Variants in CPA5 observed in about 807,000 individuals in gnomAD.
CPA5 encodes the protein carboxypeptidase A5.
In CPA5, 38 loss-of-function variants were observed where a neutral mutation model predicts 52.2. That is an observed-to-expected ratio of 0.73 (90% CI 0.56 to 0.95). CPA5 has a LOEUF of 0.95. CPA5 is among the 40% of genes least tolerant of loss of function. The probability of loss-of-function intolerance (pLI) is 0.00; values close to 1 mark genes in which losing one functional copy is unlikely to be tolerated. For missense variants in CPA5, 519 were observed against 566.7 expected (o/e 0.92, Z 0.86); for synonymous variants, 198 against 213.7 (o/e 0.93, Z 0.64).
At chr7:130,362,390 A>G (rs782009448) in intron 7 of CPA5, 48 bp from the exon 8 acceptor site, 14 of 1,355,824 alleles carry the variant, frequency 1.0e-5, no homozygotes, top group Non-Finnish European at 1.5e-5. Flanking sequence ...CAGAGACAGT[A>G]GCTGTCTGAG....
chr7:130,365,505 A>T (rs1796030485), intron 10 of CPA5, among the ~76,000 whole-genome samples: 1 of 152,256 alleles, frequency 6.6e-6, no homozygotes, highest in East Asian at 1.9e-4. Context: ...ATAATTTACC[A>T]TGTCCTTCCA....
chr7:130,358,425 T>A (rs1321130376), intron 5 of CPA5, among the ~76,000 whole-genome samples: 1 of 152,146 alleles, frequency 6.6e-6, no homozygotes. Context: ...TTAAGTCCCT[T>A]TACCACTCCA....
At chr7:130,366,994 A>G (rs1292777407) in intron 10 of CPA5, among the ~76,000 whole-genome samples, 4 of 152,214 alleles carry the variant, frequency 2.6e-5, no homozygotes, top group African/African-American at 9.6e-5. Flanking sequence ...TATCCATCCC[A>G]ATCTCAGTGG....
downstream of CPA5, among the ~76,000 whole-genome samples, chr7:130,373,662 C>T (rs781938677): frequency 1.3e-4 from 20 of 152,214 alleles, no homozygotes; most frequent in Non-Finnish European, 2.1e-4. Flanking sequence ...AGACAGAAAA[C>T]GACTTTACTG....
rs201964694 is a variant in CPA5 at position 130,368,014 on chromosome 7, G to A, written c.1123+24G>A. The A allele has an allele frequency of 3.5e-3, 5,642 of 1,601,376 alleles. 7 individuals are homozygous for A. Among genetic ancestry groups the A allele is most frequent in the Non-Finnish European group, 4.2e-3 (4,918 of 1,168,340 alleles). On this transcript the variant is annotated intron_variant, in intron 12 of 12. Transcript: ENST00000474905. ...CTGTGAGTGAGCCTCCCCTGGCCCT[G>A]CTTCAGACACCACATCTACCTGGGG...
At chr7:130,357,044 G>A (rs1443050630) in intron 5 of CPA5, among the ~76,000 whole-genome samples, 1 of 152,218 alleles carries the variant, frequency 6.6e-6, no homozygotes, top group Non-Finnish European at 1.5e-5. Flanking sequence ...GAGGACCGGG[G>A]CTCCTCCGGC....
rs782437342 is a variant in CPA5, at chr7:130,367,551, G to A, written c.1018G>A (p.Val340Ile). The stretch of plus-strand genomic sequence containing the variant: ...CCCTTACGGCCGATTGCTGGAGCCC[G>A]TTTCAAATCAGAGGGAGTTGGTGAG... ...MYPYGRLLEP[V>I]SNQRELYDLA... Residue 340 changes from valine to isoleucine, a missense_variant, in exon 11 of 13, where the codon GTT becomes ATT. Coordinates refer to ENST00000474905, the MANE Select transcript of CPA5 (RefSeq NM_080385.5). 5 of 1,613,900 alleles carry A rather than the reference G, an allele frequency of 3.1e-6. No individual in the cohort carries two copies. Among genetic ancestry groups the A allele is most frequent in the East Asian group, 2.2e-5 (1 of 44,884 alleles).
At chr7:130,373,539 G>A (rs984681504), downstream of CPA5, among the ~76,000 whole-genome samples, 1 of 152,248 alleles carries the variant, frequency 6.6e-6, no homozygotes. Flanking sequence ...CAGGCTGGCC[G>A]GGAGGCCGTG....
At chr7:130,365,004 G>C (rs933119081) in intron 10 of CPA5, among the ~76,000 whole-genome samples, 2 of 152,196 alleles carry the variant, frequency 1.3e-5, no homozygotes, top group African/African-American at 4.8e-5. Flanking sequence ...GGCTCCACAG[G>C]GGACGGTGTC....
At chr7:130,360,222 A>G (rs1341984236) in intron 6 of CPA5, among the ~76,000 whole-genome samples, 6 of 152,230 alleles carry the variant, frequency 3.9e-5, no homozygotes, top group African/African-American at 1.4e-4. Flanking sequence ...TTTAACTCTT[A>G]CACATATCCA....
chr7:130,368,769 C>T, downstream of CPA5: 1 of 639,884 alleles, frequency 1.6e-6, no homozygotes, highest in South Asian at 2.1e-5. Context: ...CCTATGGGCT[C>T]AGCACTGACA....
In CPA5 at chr7:130,359,631, C is replaced by T. The variant is rs782238336; in HGVS notation, c.376C>T (p.Arg126Trp). The change falls in exon 6 of 13, where the codon CGG (arginine) becomes TGG (tryptophan). Residue 126 changes from arginine (R) to tryptophan (W), a missense_variant. Transcript: ENST00000474905. ...EERQAMAKSRRLERSTNSFSY... is the reference protein window; with the variant it reads ...EERQAMAKSRWLERSTNSFSY... ...AAGACAGGCCATGGCGAAATCCCGC[C>T]GGCTGGAGCGCAGCACCAACAGCTT... 47 of 1,581,470 alleles carry T rather than the reference C, an allele frequency of 3.0e-5. No individual in the cohort carries two copies. The highest frequency in any genetic ancestry group is 2.0e-4 in the Admixed American group (11 of 54,596).
In CPA5 at chr7:130,362,464, A is replaced by T; in HGVS notation, c.561A>T (p.Pro187=). ...TCAGCACTGGAGGTTCTCGGCACCC[A>T]GCCATCTGGATTGACACTGGAATTC... ...LKFSTGGSRH[P]AIWIDTGIHS... is the part of the protein sequence containing the mutation. Residue 187 remains proline, a synonymous_variant, in exon 8 of 13, where the codon CCA becomes CCT. Transcript: ENST00000474905. The T allele has an allele frequency of 6.2e-7, 1 of 1,613,306 alleles. No individual in the cohort carries two copies. Among genetic ancestry groups the T allele is most frequent in the Non-Finnish European group, 8.5e-7 (1 of 1,179,492 alleles).
At chr7:130,365,786 AG>A (rs1796047041) in intron 10 of CPA5, among the ~76,000 whole-genome samples, 1 of 152,250 alleles carries the variant, frequency 6.6e-6, no homozygotes, top group Non-Finnish European at 1.5e-5. Context: ...TGGGCCGCAA[AG>A]GCAGACAAAG....
intron 10 of CPA5, among the ~76,000 whole-genome samples, chr7:130,365,602 CG>C (rs1312924788): frequency 6.6e-6 from 1 of 152,238 alleles, no homozygotes; most frequent in African/African-American, 2.4e-5. Flanking sequence ...GTGAAACAGG[CG>C]GACTCAGAGG....
intron 10 of CPA5, among the ~76,000 whole-genome samples, chr7:130,365,075 G>T (rs1382775667): frequency 6.6e-6 from 1 of 152,198 alleles, no homozygotes; most frequent in African/African-American, 2.4e-5. Flanking sequence ...GAACATTTTA[G>T]ATCTGGATGC....
chr7:130,366,770 G>A (rs531253419), intron 10 of CPA5, among the ~76,000 whole-genome samples: 2 of 152,290 alleles, frequency 1.3e-5, no homozygotes, highest in African/African-American at 2.4e-5. Flanking sequence ...ACCCAGGAAC[G>A]GTCAGCCTAA....
intron 5 of CPA5, among the ~76,000 whole-genome samples, chr7:130,355,239 A>G (rs1460634704): frequency 2.6e-5 from 4 of 152,198 alleles, no homozygotes; most frequent in African/African-American, 9.7e-5. Context: ...GCTCCATCAC[A>G]GAGCCCTGGA....
chr7:130,370,365 T>A (rs782089977), downstream of CPA5, among the ~76,000 whole-genome samples: 2 of 151,900 alleles, frequency 1.3e-5, no homozygotes, highest in Non-Finnish European at 2.9e-5. Context: ...TTGGTCTGAG[T>A]GAGCTAGAAT....
Sources: gnomAD v4.1 joint callset for allele counts (sites outside exome capture counted in the v4.1 genomes callset) on GRCh38, gnomAD v4.1.1 for gene constraint, MANE v1.5 for transcripts, NCBI Gene and HGNC (gene_info 2026-07-23, HGNC 2026-07-21) for gene names.